Variants in CSMD1 observed in about 807,000 individuals in gnomAD.
CSMD1 encodes CUB and sushi domain-containing protein 1.
Under a neutral mutation model 417.5 loss-of-function variants are expected in CSMD1, and 213 were observed. The observed-to-expected ratio is 0.51, with a 90% CI of 0.46 to 0.57. The LOEUF is 0.57. CSMD1 is among the 20% of genes least tolerant of loss of function. The pLI is 0.00. For synonymous variants in CSMD1, 2,862 were observed against 1,736.8 expected (o/e 1.65, Z -16.11); for missense variants, 6,923 against 4,529.7 (o/e 1.53, Z -15.17).
In CSMD1 at chr8:4,690,966, A is replaced by T. The variant is rs188111986; in HGVS notation, c.86-53408T>A. ...CTGGTCTTGCTCTCTTGAGCTCATG[A>T]TCTGCCTGCCGTGGCCTCCCAAAGT... On this transcript the variant is annotated intron_variant, in intron 1 of 69. Coordinates refer to ENST00000635120, the MANE Select transcript of CSMD1 (RefSeq NM_033225.6). 3.6e-3 allele frequency among the ~76,000 whole-genome samples: 551 copies of T among 152,244 alleles called. 4 individuals are homozygous for T. Among genetic ancestry groups the T allele is most frequent in the South Asian group, 0.023 (111 of 4,818 alleles).
intron 1 of CSMD1, among the ~76,000 whole-genome samples, chr8:4,874,266 C>T (rs142160491): frequency 6.6e-6 from 1 of 152,056 alleles, no homozygotes; most frequent in East Asian, 1.9e-4. Flanking sequence ...TGGGATACTG[C>T]CTAAAATCGC....
intron 49 of CSMD1, among the ~76,000 whole-genome samples, chr8:3,084,214 T>C (rs1042802705): frequency 6.6e-6 from 1 of 152,100 alleles, no homozygotes; most frequent in Non-Finnish European, 1.5e-5. Flanking sequence ...GGGAAGTATA[T>C]ACAGCGTGTA....
intron 3 of CSMD1, among the ~76,000 whole-genome samples, chr8:4,345,814 A>G (rs887410058): frequency 7.9e-5 from 12 of 152,134 alleles, no homozygotes; most frequent in Non-Finnish European, 1.8e-4. Context: ...GTGCCTTCAC[A>G]GGGAGGTCAT....
chr8:4,554,186 G>C (rs1037128690), intron 2 of CSMD1, among the ~76,000 whole-genome samples: 1 of 152,096 alleles, frequency 6.6e-6, no homozygotes, highest in African/African-American at 2.4e-5. Context: ...GCCCAGGCTG[G>C]AGTGCAGTGG....
At chr8:3,955,487 C>A (rs1373485185) in intron 5 of CSMD1, among the ~76,000 whole-genome samples, 3 of 152,130 alleles carry the variant, frequency 2.0e-5, no homozygotes, top group Admixed American at 6.5e-5. Context: ...ATATGTCATT[C>A]TCTCTACTCA....
intron 3 of CSMD1, among the ~76,000 whole-genome samples, chr8:4,405,771 G>T (rs1440982427): frequency 4.6e-5 from 7 of 152,182 alleles, no homozygotes; most frequent in Admixed American, 6.5e-5. Flanking sequence ...AGTTTAAGCT[G>T]TATTTGAGTT....
At chr8:3,654,306 T>C (rs191599690) in intron 7 of CSMD1, among the ~76,000 whole-genome samples, 3 of 152,306 alleles carry the variant, frequency 2.0e-5, no homozygotes, top group Admixed American at 2.0e-4. Context: ...CAAAGATTTA[T>C]AAAATTATGT....
chr8:3,994,591 G>A lies in CSMD1; in HGVS notation c.818+3312C>T, dbSNP rs1400978090. Among the ~76,000 whole-genome samples, 6 of 151,812 alleles carry A rather than the reference G, an allele frequency of 4.0e-5. No individual in the cohort carries two copies. In the East Asian group the frequency reaches 9.7e-4, roughly 24 times the overall value. ...TGTTAAAGCAAGGGATTGATAGGAA[G>A]CCAACCTGCATGAAATTAGAATCCG... On this transcript the variant is annotated intron_variant, in intron 5 of 69. Coordinates refer to ENST00000635120, the MANE Select transcript of CSMD1 (RefSeq NM_033225.6).
intron 1 of CSMD1, among the ~76,000 whole-genome samples, chr8:4,895,674 T>C (rs539402667): frequency 6.6e-6 from 1 of 152,114 alleles, no homozygotes; most frequent in South Asian, 2.1e-4. Context: ...CAAATTGCTA[T>C]CCACCTTCAC....
chr8:3,111,550 G>C (rs959900191), intron 42 of CSMD1, among the ~76,000 whole-genome samples: 6 of 152,130 alleles, frequency 3.9e-5, no homozygotes, highest in African/African-American at 1.4e-4. Flanking sequence ...TGGGACCATA[G>C]GCTGGGCACG....
chr8:4,386,482 C>G (rs548833643), intron 3 of CSMD1, among the ~76,000 whole-genome samples: 6 of 152,218 alleles, frequency 3.9e-5, no homozygotes, highest in African/African-American at 1.2e-4. Context: ...CACCTTATCT[C>G]CCAGTCTCCA....
At chr8:4,346,368 C>T (rs538686829) in intron 3 of CSMD1, among the ~76,000 whole-genome samples, 19 of 152,242 alleles carry the variant, frequency 1.2e-4, no homozygotes, top group South Asian at 2.1e-4. Flanking sequence ...ATACGATCTG[C>T]GGCTGCTTAC....
intron 12 of CSMD1, among the ~76,000 whole-genome samples, chr8:3,448,382 AG>A (rs1322312149): frequency 5.9e-5 from 2 of 33,650 alleles, no homozygotes; most frequent in African/African-American, 2.6e-4. Context: ...AGGGAGGGGG[AG>A]GAGGGAGGAG....
intron 26 of CSMD1, among the ~76,000 whole-genome samples, chr8:3,237,298 T>C (rs1799209926): frequency 6.6e-6 from 1 of 151,700 alleles, no homozygotes. Flanking sequence ...AAACCCTGTC[T>C]GTACTAAAGA....
chr8:4,792,793 C>T (rs576619088), intron 1 of CSMD1, among the ~76,000 whole-genome samples: 105 of 152,188 alleles, frequency 6.9e-4, no homozygotes, highest in African/African-American at 2.3e-3. Flanking sequence ...GCGTTCCAGG[C>T]GTACTTGTAA....
chr8:4,767,755 T>C (rs6991080), intron 1 of CSMD1, among the ~76,000 whole-genome samples: 76,086 of 152,002 alleles, frequency 0.5, 19,386 homozygotes, highest in Admixed American at 0.64. Flanking sequence ...CATTTATTTA[T>C]CCTTTGTGCA....
intron 49 of CSMD1, among the ~76,000 whole-genome samples, chr8:3,074,502 C>G (rs1444872784): frequency 1.3e-5 from 2 of 152,210 alleles, no homozygotes; most frequent in Non-Finnish European, 2.9e-5. Flanking sequence ...AGCAAGCCGT[C>G]ACACCTGTAG....
chr8:3,599,196 G>A (rs1314798089), intron 8 of CSMD1, among the ~76,000 whole-genome samples: 2 of 150,678 alleles, frequency 1.3e-5, no homozygotes, highest in African/African-American at 2.5e-5. Context: ...GAGGGATACT[G>A]TATATATTTA....
At chr8:3,384,692 T>C (rs1474338241) in intron 18 of CSMD1, among the ~76,000 whole-genome samples, 3 of 118,318 alleles carry the variant, frequency 2.5e-5, no homozygotes, top group Non-Finnish European at 4.9e-5. Flanking sequence ...AATATATATT[T>C]ATATAAATTA....
Sources: gnomAD v4.1 joint callset for allele counts (sites outside exome capture counted in the v4.1 genomes callset) on GRCh38, gnomAD v4.1.1 for gene constraint, MANE v1.5 for transcripts, NCBI Gene and HGNC (gene_info 2026-07-23, HGNC 2026-07-21) for gene names.